COL8A1: variants seen among roughly 807,000 people sequenced by gnomAD.
COL8A1 encodes collagen alpha-1(VIII) chain.
Under a neutral mutation model 42.7 loss-of-function variants are expected in COL8A1, and 21 were observed. That is an observed-to-expected ratio of 0.49 (90% confidence interval 0.35 to 0.71). The LOEUF is 0.71. Among genes scored for constraint, COL8A1 ranks in the 30% least tolerant of loss-of-function variants. The probability of loss-of-function intolerance (pLI) is 0.01; values close to 1 mark genes in which losing one functional copy is unlikely to be tolerated. For synonymous variants in COL8A1, 367 were observed against 369.1 expected (o/e 0.99, Z 0.06); for missense variants, 788 against 962.4 (o/e 0.82, Z 2.40).
intron 1 of COL8A1, among the ~76,000 whole-genome samples, chr3:99,646,010 G>A (rs2107283590): frequency 6.6e-6 from 1 of 152,134 alleles, no homozygotes. Context: ...ACAGAAATGG[G>A]CCAAATAGGC....
At chr3:99,775,357 T>G (rs2107442273) in intron 2 of COL8A1, among the ~76,000 whole-genome samples, 1 of 152,228 alleles carries the variant, frequency 6.6e-6, no homozygotes, top group East Asian at 1.9e-4. Context: ...TCCATGTGCA[T>G]GTTTGGGAAG....
At chr3:99,774,385 C>A (rs1408646459) in intron 2 of COL8A1, among the ~76,000 whole-genome samples, 1 of 151,936 alleles carries the variant, frequency 6.6e-6, no homozygotes, top group Non-Finnish European at 1.5e-5. Flanking sequence ...GCCAGGTACT[C>A]ATAGAGATCA....
chr3:99,740,465 C>T (rs28463921), intron 1 of COL8A1, among the ~76,000 whole-genome samples: 89 of 152,216 alleles, frequency 5.8e-4, no homozygotes, highest in African/African-American at 2.0e-3. Flanking sequence ...ACCATCATGG[C>T]GGAATGGGAA....
intron 1 of COL8A1, among the ~76,000 whole-genome samples, chr3:99,728,303 C>G (rs969292080): frequency 1.3e-5 from 2 of 152,028 alleles, no homozygotes; most frequent in African/African-American, 2.4e-5. Flanking sequence ...GTCTCAGGAT[C>G]TACCTGCTCG....
At chr3:99,763,329 T>C (rs1265038474) in intron 2 of COL8A1, among the ~76,000 whole-genome samples, 1 of 152,128 alleles carries the variant, frequency 6.6e-6, no homozygotes, top group Non-Finnish European at 1.5e-5. Flanking sequence ...GTCAGAGAAA[T>C]GTACTCTGGG....
Position 99,795,695 on chromosome 3 carries a change from C to G in COL8A1, c.1794C>G (p.Pro598=), listed in dbSNP as rs143982019. 5.0e-5 allele frequency: 81 copies of G among 1,614,012 alleles called. No homozygotes were observed. In the African/African-American group the frequency reaches 7.2e-4, roughly 14 times the overall value. ...TGGGAATTGATGGCGTGAAACCCCC[C>G]CATGCCTACGGGGCTAAGAAAGGCA... is the stretch of plus-strand genomic sequence containing the variant. ...MGLGIDGVKP[P]HAYGAKKGKN... is the part of the protein sequence containing the mutation. Residue 598 remains proline (P), a synonymous_variant, in exon 4 of 4, where the codon CCC becomes CCG. Coordinates refer to ENST00000652472, the MANE Select transcript of COL8A1 (RefSeq NM_020351.4).
chr3:99,752,049 A>G (rs1215366511), intron 2 of COL8A1, among the ~76,000 whole-genome samples: 1 of 152,194 alleles, frequency 6.6e-6, no homozygotes, highest in East Asian at 1.9e-4. Flanking sequence ...ATATGCTTAT[A>G]ATAAAATTAT....
intron 1 of COL8A1, among the ~76,000 whole-genome samples, chr3:99,665,749 T>C (rs908781390): frequency 2.1e-5 from 3 of 140,866 alleles, no homozygotes; most frequent in African/African-American, 7.8e-5. Context: ...TGGCACAATC[T>C]CGGCTCACTG....
intron 1 of COL8A1, among the ~76,000 whole-genome samples, chr3:99,739,710 A>G (rs763216524): frequency 2.0e-5 from 3 of 152,132 alleles, no homozygotes; most frequent in Non-Finnish European, 4.4e-5. Flanking sequence ...GCAAACAGCC[A>G]GCCCACAAAA....
chr3:99,749,238 A>G (rs1481577860), intron 2 of COL8A1, among the ~76,000 whole-genome samples: 1 of 151,930 alleles, frequency 6.6e-6, no homozygotes, highest in Non-Finnish European at 1.5e-5. Flanking sequence ...ATGTGGGCTC[A>G]AGTACCATGC....
intron 1 of COL8A1, among the ~76,000 whole-genome samples, chr3:99,726,076 G>C (rs1456256425): frequency 1.3e-5 from 2 of 152,198 alleles, no homozygotes; most frequent in Middle Eastern, 3.4e-3. Flanking sequence ...TCCAGTACCT[G>C]TTGTTTTCTG....
chr3:99,737,462 A>G (rs1368193991), intron 1 of COL8A1, among the ~76,000 whole-genome samples: 4 of 151,986 alleles, frequency 2.6e-5, no homozygotes, highest in Non-Finnish European at 5.9e-5. Flanking sequence ...TCTGTAAAGT[A>G]TTTTATTTCT....
chr3:99,707,900 T>TTTA (rs879922685), intron 1 of COL8A1, among the ~76,000 whole-genome samples: 145 of 152,082 alleles, frequency 9.5e-4, no homozygotes, highest in African/African-American at 3.3e-3. Context: ...AGATAGTGTT[T>TTTA]TTATTATTAT....
intron 1 of COL8A1, among the ~76,000 whole-genome samples, chr3:99,704,080 T>G (rs1000691551): frequency 6.6e-6 from 1 of 152,210 alleles, no homozygotes; most frequent in South Asian, 2.1e-4. Context: ...TGTGTAATGT[T>G]AATAAAAAGC....
chr3:99,722,717 T>C lies in COL8A1; in HGVS notation c.-128-22180T>C, dbSNP rs1475900305. 2.0e-5 allele frequency among the ~76,000 whole-genome samples: 3 copies of C among 152,260 alleles called. No homozygotes were observed. The South Asian group carries it at 6.2e-4, about 32-fold the overall frequency. On this transcript the variant is annotated intron_variant, in intron 1 of 3. Coordinates refer to ENST00000652472, the MANE Select transcript of COL8A1 (RefSeq NM_020351.4). ...GCAAAACAAGGCATTCCTCTCATCA[T>C]GATATCTAGAGGTAATGTTCTTGCC...
chr3:99,773,613 G>A (rs1368854824), intron 2 of COL8A1, among the ~76,000 whole-genome samples: 2 of 151,220 alleles, frequency 1.3e-5, no homozygotes, highest in Non-Finnish European at 2.9e-5. Context: ...CATTTTATGT[G>A]TTTAATCCAA....
At chr3:99,773,837 A>ATATTATATATATATATATATATATATTT (rs1200212756) in intron 2 of COL8A1, among the ~76,000 whole-genome samples, 2 of 45,400 alleles carry the variant, frequency 4.4e-5, no homozygotes, top group Non-Finnish European at 7.1e-5. Context: ...ATATATATAT[A>ATATTATATATATATATATATATATATTT]TTTTTTTTTT....
At chr3:99,781,042 T>C (rs1345566225) in intron 2 of COL8A1, among the ~76,000 whole-genome samples, 1 of 152,148 alleles carries the variant, frequency 6.6e-6, no homozygotes, top group African/African-American at 2.4e-5. Context: ...TGGCTGACGA[T>C]TTATCACAAT....
intron 1 of COL8A1, chr3:99,680,230 G>T (rs1938828832): frequency 6.6e-6 from 1 of 152,054 alleles, no homozygotes; most frequent in South Asian, 2.1e-4. Flanking sequence ...CCACCTATGA[G>T]TGAGAACAGG....
Sources: gnomAD v4.1 joint callset for allele counts (sites outside exome capture counted in the v4.1 genomes callset) on GRCh38, gnomAD v4.1.1 for gene constraint, MANE v1.5 for transcripts, NCBI Gene and HGNC (gene_info 2026-07-23, HGNC 2026-07-21) for gene names.